Variants in TCF12 observed in about 807,000 individuals in gnomAD.
TCF12 encodes the protein DNA-binding protein HTF4.
In TCF12, 45 loss-of-function variants were observed where a neutral mutation model predicts 86.0. That is an observed-to-expected ratio of 0.52 (90% CI 0.41 to 0.67). The LOEUF (loss-of-function observed/expected upper bound fraction) is 0.67, where lower values mean the gene tolerates loss of function less well. Among genes scored for constraint, TCF12 ranks in the 30% least tolerant of loss-of-function variants. TCF12 has a pLI of 0.00. For missense variants in TCF12, 881 were observed against 859.9 expected (o/e 1.02, Z -0.31); for synonymous variants, 330 against 299.6 (o/e 1.10, Z -1.05).
In TCF12 at chr15:57,282,659, G is replaced by A. The variant is rs927101202; in HGVS notation, c.*11+61G>A. ...AACCTTAAGATTCATCTTAAACTGG[G>A]TTAGAATCTTTGAACAGAATTCTCT... On this transcript the variant is annotated intron_variant, in intron 20 of 20. Transcript: ENST00000333725. The A allele has an allele frequency of 4.5e-6, 7 of 1,554,454 alleles. No individual in the cohort carries two copies. In the Admixed American group the frequency reaches 1.4e-4, roughly 32 times the overall value.
chr15:56,979,860 C>T (rs149039696), intron 3 of TCF12, among the ~76,000 whole-genome samples: 41 of 152,208 alleles, frequency 2.7e-4, no homozygotes, highest in African/African-American at 9.1e-4. Context: ...TACTTGTATT[C>T]ATTTGCAGAA....
chr15:57,159,776 A>G (rs1411745555), intron 5 of TCF12, among the ~76,000 whole-genome samples: 3 of 152,248 alleles, frequency 2.0e-5, no homozygotes, highest in Non-Finnish European at 1.5e-5. Flanking sequence ...AAATTTATGA[A>G]TGCAAATCAG....
At chr15:57,008,100 AC>A (rs2064578058) in intron 3 of TCF12, among the ~76,000 whole-genome samples, 3 of 150,708 alleles carry the variant, frequency 2.0e-5, no homozygotes, top group Non-Finnish European at 4.4e-5. Flanking sequence ...AGCTGGGACT[AC>A]AGGCACATGC....
intron 5 of TCF12, among the ~76,000 whole-genome samples, chr15:57,162,400 A>C (rs1250997738): frequency 1.3e-5 from 2 of 152,332 alleles, no homozygotes; most frequent in East Asian, 3.9e-4. Context: ...ATGCCTCCTA[A>C]GTCTTAGACT....
intron 8 of TCF12, among the ~76,000 whole-genome samples, chr15:57,207,361 A>G (rs1475925739): frequency 6.6e-6 from 1 of 152,106 alleles, no homozygotes; most frequent in Non-Finnish European, 1.5e-5. Flanking sequence ...TTATGAGGCT[A>G]GTATTAATAA....
At chr15:57,252,976 T>A (rs1159080778) in intron 15 of TCF12, among the ~76,000 whole-genome samples, 2 of 149,100 alleles carry the variant, frequency 1.3e-5, no homozygotes, top group Non-Finnish European at 3.0e-5. Context: ...AATGACATAG[T>A]ATCCTTCATT....
intron 5 of TCF12, among the ~76,000 whole-genome samples, chr15:57,126,739 C>G (rs1596672520): frequency 6.6e-6 from 1 of 152,192 alleles, no homozygotes. Flanking sequence ...CCCAGTGATT[C>G]TCAAAAGGTC....
chr15:57,090,512 T>C (rs559799063), intron 4 of TCF12, among the ~76,000 whole-genome samples: 2 of 152,342 alleles, frequency 1.3e-5, no homozygotes, highest in Admixed American at 1.3e-4. Flanking sequence ...CAGAAGGAGT[T>C]GTGACATGCA....
chr15:57,102,888 G>GA (rs1327883425), intron 5 of TCF12, among the ~76,000 whole-genome samples: 1 of 152,078 alleles, frequency 6.6e-6, no homozygotes, highest in Non-Finnish European at 1.5e-5. Flanking sequence ...AAATCTTTCA[G>GA]AAAAAACCTG....
At chr15:57,024,560 A>G (rs2141283224) in intron 3 of TCF12, among the ~76,000 whole-genome samples, 2 of 152,322 alleles carry the variant, frequency 1.3e-5, no homozygotes, top group South Asian at 2.1e-4. Flanking sequence ...GAAAAATAAG[A>G]TACAAGAGAG....
intron 5 of TCF12, among the ~76,000 whole-genome samples, chr15:57,101,399 C>T (rs532339723): frequency 1.3e-5 from 2 of 152,152 alleles, no homozygotes; most frequent in South Asian, 4.2e-4. Context: ...TTTGTAGAGA[C>T]ACAGTCTTGT....
intron 5 of TCF12, among the ~76,000 whole-genome samples, chr15:57,136,652 G>C (rs942966245): frequency 6.6e-6 from 1 of 152,148 alleles, no homozygotes; most frequent in South Asian, 2.1e-4. Context: ...TAGGTTTGAA[G>C]ATCCCTTTTC....
At chr15:57,239,926 G>T (rs1333425839) in intron 12 of TCF12, among the ~76,000 whole-genome samples, 1 of 152,132 alleles carries the variant, frequency 6.6e-6, no homozygotes, top group Non-Finnish European at 1.5e-5. Flanking sequence ...TGTGACAAGA[G>T]AGATACCAAT....
At chr15:56,985,340 T>C (rs2063130207) in intron 3 of TCF12, among the ~76,000 whole-genome samples, 1 of 152,186 alleles carries the variant, frequency 6.6e-6, no homozygotes, top group African/African-American at 2.4e-5. Flanking sequence ...CAAAGGATTA[T>C]TTTAAATTGT....
At chr15:56,989,737 A>G (rs1360803783) in intron 3 of TCF12, among the ~76,000 whole-genome samples, 2 of 152,176 alleles carry the variant, frequency 1.3e-5, no homozygotes, top group Non-Finnish European at 2.9e-5. Context: ...TCTCCCTAGT[A>G]GAAGTATTAA....
intron 3 of TCF12, among the ~76,000 whole-genome samples, chr15:57,026,932 T>A (rs1167910489): frequency 6.6e-6 from 1 of 152,300 alleles, no homozygotes; most frequent in East Asian, 1.9e-4. Flanking sequence ...ACCATGTAGA[T>A]GCTATGTAAA....
intron 3 of TCF12, among the ~76,000 whole-genome samples, chr15:56,932,561 AATT>A (rs149263796): frequency 4.6e-5 from 7 of 151,542 alleles, no homozygotes; most frequent in Non-Finnish European, 5.9e-5. Context: ...TTATTTATTT[AATT>A]ATTATTATTA....
intron 19 of TCF12, among the ~76,000 whole-genome samples, chr15:57,277,179 T>C (rs1441643187): frequency 2.0e-5 from 3 of 152,090 alleles, no homozygotes; most frequent in African/African-American, 7.2e-5. Context: ...ATATTCCACA[T>C]AAGCTGGGCA....
chr15:57,163,447 G>A (rs963415518), intron 5 of TCF12, among the ~76,000 whole-genome samples: 19 of 152,052 alleles, frequency 1.2e-4, no homozygotes, highest in East Asian at 1.9e-4. Flanking sequence ...TACCTGTAAC[G>A]TCAACACTTT....
Sources: gnomAD v4.1 joint callset for allele counts (sites outside exome capture counted in the v4.1 genomes callset) on GRCh38, gnomAD v4.1.1 for gene constraint, MANE v1.5 for transcripts, NCBI Gene and HGNC (gene_info 2026-07-23, HGNC 2026-07-21) for gene names.